The following GRM3 variants were observed in gnomAD, a reference collection of about 807,000 sequenced individuals.
GRM3 encodes the protein metabotropic glutamate receptor 3.
Under a neutral mutation model 70.5 loss-of-function variants are expected in GRM3, and 26 were observed. The ratio of observed to expected loss-of-function variants is 0.37; its 90% CI spans 0.27 to 0.51. The LOEUF (loss-of-function observed/expected upper bound fraction) is 0.51, where lower values mean the gene tolerates loss of function less well. Among genes scored for constraint, GRM3 ranks in the 20% least tolerant of loss-of-function variants. The pLI, the probability that GRM3 is intolerant of heterozygous loss-of-function variation, is 0.93. For missense variants in GRM3, 859 were observed against 1,123.8 expected, an observed-to-expected ratio of 0.76 and a Z score of 3.37; for synonymous variants, 443 against 434.9, an observed-to-expected ratio of 1.02 and a Z score of -0.23.
At chr7:86,732,524 A>G (rs1795758225) in intron 1 of GRM3, among the ~76,000 whole-genome samples, 1 of 152,234 alleles carries the variant, frequency 6.6e-6, no homozygotes, top group Non-Finnish European at 1.5e-5. Flanking sequence ...CACAGTAATA[A>G]TGGTGTTAAG....
intron 1 of GRM3, among the ~76,000 whole-genome samples, chr7:86,720,049 GGGATAGAACAACCAT>G (rs2116222039): frequency 6.6e-6 from 1 of 152,142 alleles, no homozygotes; most frequent in African/African-American, 2.4e-5. Context: ...ATAATAGATT[GGGATAGAACAACCAT>G]GGAAAGAGAT....
chr7:86,744,831 A>G (rs1796066451), intron 1 of GRM3, among the ~76,000 whole-genome samples: 2 of 152,094 alleles, frequency 1.3e-5, no homozygotes, highest in Admixed American at 1.3e-4. Context: ...CTGCCTTACA[A>G]AAGATACATG....
intron 1 of GRM3, among the ~76,000 whole-genome samples, chr7:86,721,859 G>A (rs1795472329): frequency 6.6e-6 from 1 of 152,100 alleles, no homozygotes; most frequent in South Asian, 2.1e-4. Context: ...CACAAACTGT[G>A]ACAAGGCAGT....
intron 1 of GRM3, among the ~76,000 whole-genome samples, chr7:86,687,365 G>A (rs998567341): frequency 1.3e-5 from 2 of 151,850 alleles, no homozygotes; most frequent in African/African-American, 4.8e-5. Context: ...AAGTGCCTGG[G>A]GTGTAGCCAG....
chr7:86,745,560 C>A (rs1204495863), intron 1 of GRM3, among the ~76,000 whole-genome samples: 1 of 152,090 alleles, frequency 6.6e-6, no homozygotes, highest in Non-Finnish European at 1.5e-5. Context: ...TCTCACTAAG[C>A]CTCCAATTAC....
chr7:86,739,768 G>T (rs1222120455), intron 1 of GRM3, among the ~76,000 whole-genome samples: 1 of 152,138 alleles, frequency 6.6e-6, no homozygotes, highest in Non-Finnish European at 1.5e-5. Context: ...AAACTTAAAA[G>T]AAGTAAAATC....
chr7:86,725,558 A>G (rs1046316434), intron 1 of GRM3, among the ~76,000 whole-genome samples: 9 of 152,192 alleles, frequency 5.9e-5, no homozygotes, highest in African/African-American at 2.2e-4. Flanking sequence ...CAGGAATAGG[A>G]GAATCAGACT....
At chr7:86,852,985 G>T (rs796406847) in intron 5 of GRM3, among the ~76,000 whole-genome samples, 6 of 152,178 alleles carry the variant, frequency 3.9e-5, no homozygotes, top group African/African-American at 1.2e-4. Context: ...TTCATATCAA[G>T]AAATTTATTC....
At chr7:86,713,168 C>A (rs1014509401) in intron 1 of GRM3, among the ~76,000 whole-genome samples, 2 of 151,958 alleles carry the variant, frequency 1.3e-5, no homozygotes, top group Non-Finnish European at 2.9e-5. Context: ...TCGATAAGAG[C>A]CGTTTTAACC....
At position 86,752,624 on chromosome 7, in the gene GRM3, G is replaced by A. The variant is rs917846110; in HGVS notation, c.-140-12382G>A. Reference sequence around the variant, plus strand: ...ATCAAGGACAAGAGGGCAGAAGACAGCCCAGACTTGCTGTCACAGGCACAG... The same window carrying A: ...ATCAAGGACAAGAGGGCAGAAGACAACCCAGACTTGCTGTCACAGGCACAG... On this transcript the variant is annotated intron_variant, in intron 1 of 5. Coordinates refer to ENST00000361669, the MANE Select transcript of GRM3 (RefSeq NM_000840.3). 3.3e-5 allele frequency among the ~76,000 whole-genome samples: 5 copies of A among 152,030 alleles called. No individual in the cohort carries two copies. The East Asian group carries it at 9.7e-4, about 29-fold the overall frequency.
chr7:86,755,857 T>C (rs1271188252), intron 1 of GRM3, among the ~76,000 whole-genome samples: 1 of 152,128 alleles, frequency 6.6e-6, no homozygotes. Flanking sequence ...AACAAAATGG[T>C]AGTGGAACTT....
intron 3 of GRM3, among the ~76,000 whole-genome samples, chr7:86,804,688 G>A (rs1797751783): frequency 6.6e-6 from 1 of 152,202 alleles, no homozygotes; most frequent in East Asian, 1.9e-4. Context: ...TGGGATTATA[G>A]GTGTGAACCA....
intron 3 of GRM3, among the ~76,000 whole-genome samples, chr7:86,831,793 T>TA (rs35888996): frequency 0.51 from 57,498 of 113,750 alleles, 14,936 homozygotes; most frequent in East Asian, 0.78. Flanking sequence ...ATAGCACCGT[T>TA]AAAAAAAAAA....
intron 2 of GRM3, among the ~76,000 whole-genome samples, chr7:86,767,432 T>A (rs1796626718): frequency 6.7e-6 from 1 of 149,984 alleles, no homozygotes; most frequent in Non-Finnish European, 1.5e-5. Context: ...CACATCATGT[T>A]AATTTTGCCA....
chr7:86,688,818 A>G (rs1794628826), intron 1 of GRM3, among the ~76,000 whole-genome samples: 1 of 134,306 alleles, frequency 7.4e-6, no homozygotes. Flanking sequence ...CACATATGAT[A>G]TATATATATA....
chr7:86,706,802 A>G (rs1333317770), intron 1 of GRM3, among the ~76,000 whole-genome samples: 1 of 152,094 alleles, frequency 6.6e-6, no homozygotes, highest in Admixed American at 6.6e-5. Flanking sequence ...GCAAAAAAAT[A>G]GCAATGTTAA....
At chr7:86,805,100 T>C (rs1036950723) in intron 3 of GRM3, among the ~76,000 whole-genome samples, 2 of 151,910 alleles carry the variant, frequency 1.3e-5, no homozygotes, top group African/African-American at 4.8e-5. Context: ...AGCCACAGAG[T>C]GAGACCTTAT....
intron 1 of GRM3, among the ~76,000 whole-genome samples, chr7:86,670,687 A>G (rs1794148962): frequency 6.6e-6 from 1 of 152,198 alleles, no homozygotes; most frequent in Admixed American, 6.5e-5. Context: ...TATCAATCAG[A>G]TCAATCTTCC....
At chr7:86,860,741 T>C (rs1443221927) in intron 5 of GRM3, among the ~76,000 whole-genome samples, 4 of 152,172 alleles carry the variant, frequency 2.6e-5, no homozygotes, top group Admixed American at 2.6e-4. Context: ...ATACTAGAAC[T>C]TGAGGATTTT....
Sources: allele counts gnomAD v4.1 joint callset (sites outside exome capture counted in the v4.1 genomes callset), GRCh38; gene constraint gnomAD v4.1.1; transcripts MANE v1.5; gene names NCBI Gene and HGNC (gene_info 2026-07-23, HGNC 2026-07-21).